MS4A1: variants seen among roughly 807,000 people sequenced by gnomAD.
MS4A1 encodes B-lymphocyte antigen CD20.
MS4A1 carries 16 observed loss-of-function variants against 26.5 expected under a neutral mutation model. The observed-to-expected ratio is 0.60, with a 90% CI of 0.41 to 0.92. The LOEUF (loss-of-function observed/expected upper bound fraction) is 0.92, where lower values mean the gene tolerates loss of function less well. MS4A1 is among the 40% of genes least tolerant of loss of function. MS4A1 has a pLI of 0.00. For synonymous variants in MS4A1, 128 were observed against 117.6 expected, an observed-to-expected ratio of 1.09 and a Z score of -0.57; for missense variants, 350 against 353.0, an observed-to-expected ratio of 0.99 and a Z score of 0.07.
rs545364071 is a variant in MS4A1, at chr11:60,466,511, C to A, written c.573+354C>A. The A allele has an allele frequency of 1.2e-4, 41 of 338,270 alleles. 1 individual carries two copies. In the South Asian group the frequency reaches 1.4e-3, roughly 11 times the overall value. The allele number at this position is 338,270 out of a possible 1,614,324, so 21.0% of individuals were successfully genotyped here. ...TTACCATTATATTAACTAAGATGAG[C>A]ATAGAAGAAATTCCTAAGATGTTAT... On this transcript the variant is annotated intron_variant, in intron 6 of 7. Coordinates refer to ENST00000345732, the MANE Select transcript of MS4A1 (RefSeq NM_152866.3).
Position 60,468,283 on chromosome 11 carries a change from G to C in MS4A1, c.709G>C (p.Glu237Gln). 6.2e-7 allele frequency: 1 copy of C among 1,613,552 alleles called. No individual in the cohort carries two copies. ...IVLLSAEEKK[E>Q]QTIEIKEEVV... ...TCTCCTGTCAGCAGAAGAAAAAAAA[G>C]AACAGACTATTGAAATAAAAGAAGA... Residue 237 changes from glutamate (E) to glutamine (Q), a missense_variant, in exon 8 of 8, where the codon GAA becomes CAA. Transcript: ENST00000345732.
chr11:60,465,673 A>G, intron 5 of MS4A1: 1 of 495,080 alleles, frequency 2.0e-6, no homozygotes, highest in South Asian at 2.4e-5. Context: ...ATCAAGGGTT[A>G]CTCTTAGAAT....
In MS4A1 at chr11:60,468,745, G is replaced by A. The variant is rs950305878; in HGVS notation, c.*277G>A. 2.0e-5 allele frequency: 9 copies of A among 443,796 alleles called. No homozygotes were observed. The highest frequency in any genetic ancestry group is 1.8e-4 in the African/African-American group (9 of 50,720). 27.5% of individuals were successfully genotyped at this position (443,796 alleles called of 1,614,324 possible). A position where few individuals can be genotyped will look rare whatever the true frequency, so the allele number is the denominator to read the frequency against. On this transcript the variant is annotated 3_prime_UTR_variant, in exon 8 of 8. Transcript: ENST00000345732. ...TCAGAATGTGATTTCCTACTAACCT[G>A]TTCCTTGGATAGGCTTTTTAGTATA...
chr11:60,463,119 A>C lies in MS4A1; in HGVS notation c.277A>C (p.Met93Leu), dbSNP rs776326601. 19 of 1,614,166 alleles carry C rather than the reference A, an allele frequency of 1.2e-5. No homozygotes were observed. The East Asian group carries it at 4.2e-4, about 36-fold the overall frequency. ...GTGGTACCCTCTCTGGGGAGGCATT[A>C]TGGTGAGTAAAAGAATAGCAGCCAT... ...TVWYPLWGGI[M>L]YIISGSLLAA... The change falls in exon 4 of 8, where the codon ATG becomes CTG. Residue 93 changes from methionine to leucine, a missense_variant and splice_region_variant. Coordinates refer to ENST00000345732, the MANE Select transcript of MS4A1 (RefSeq NM_152866.3).
At chr11:60,460,969 A>T (rs1156320881) in intron 1 of MS4A1, 103 bp from the exon 2 acceptor site, 1 of 151,888 alleles carries the variant, frequency 6.6e-6, no homozygotes, top group African/African-American at 2.4e-5. Context: ...AAGAACAAGA[A>T]TAGCAACAAA....
intron 7 of MS4A1, among the ~76,000 whole-genome samples, chr11:60,467,334 A>G (rs1490850137): frequency 6.7e-6 from 1 of 150,146 alleles, no homozygotes; most frequent in East Asian, 2.0e-4. Context: ...CTAGAGTGCA[A>G]TGGCGCGATC....
At chr11:60,463,744 G>A (rs749739918) in intron 4 of MS4A1, 16 of 451,466 alleles carry the variant, frequency 3.5e-5, no homozygotes, top group Non-Finnish European at 6.3e-5. Flanking sequence ...TAGAACAAGA[G>A]TTTCCTCCAT....
chr11:60,456,861 C>T (rs893775731), intron 1 of MS4A1, among the ~76,000 whole-genome samples: 1 of 152,122 alleles, frequency 6.6e-6, no homozygotes, highest in African/African-American at 2.4e-5. Context: ...GAGCTCCCGA[C>T]CTCAGGGGAT....
chr11:60,461,242 G>A (rs555953864), intron 2 of MS4A1, 82 bp downstream of exon 2: 1 of 151,848 alleles, frequency 6.6e-6, no homozygotes, highest in African/African-American at 2.4e-5. Context: ...ACATGTTATA[G>A]ATTGAGGGTT....
rs760536969 is a variant in MS4A1, at chr11:60,466,113, T to G, written c.529T>G (p.Ser177Ala). Residue 177 changes from serine (S) to alanine (A), a missense_variant, in exon 6 of 8, where the codon TCC becomes GCC. Ser to Ala is a moderately conservative substitution (Grantham distance 99). Transcript: ENST00000345732. ...CEPANPSEKN[S>A]PSTQYCYSIQ... ...ACCAGCTAATCCCTCTGAGAAAAAC[T>G]CCCCATCTACCCAATACTGTTACAG... The G allele has an allele frequency of 6.2e-7, 1 of 1,613,580 alleles. No homozygotes were observed. Among genetic ancestry groups the G allele is most frequent in the Non-Finnish European group, 8.5e-7 (1 of 1,179,550 alleles).
rs1262548806 is a variant in MS4A1, at chr11:60,466,043, T to G, written c.459T>G (p.Asn153Lys). The change falls in exon 6 of 8, where the codon AAT (asparagine) becomes AAG (lysine). Residue 153 changes from asparagine (N) to lysine (K), a missense_variant. Coordinates refer to ENST00000345732, the MANE Select transcript of MS4A1 (RefSeq NM_152866.3). ...ATTTTTTAAAAATGGAGAGTCTGAA[T>G]TTTATTAGAGCTCACACACCATATA... Reference protein sequence around the residue: ...ISHFLKMESLNFIRAHTPYIN... With the variant: ...ISHFLKMESLKFIRAHTPYIN... 1.2e-6 allele frequency: 2 copies of G among 1,613,888 alleles called. No individual in the cohort carries two copies. The highest frequency in any genetic ancestry group is 2.7e-5 in the African/African-American group (2 of 74,924).
rs990341701 is a variant in MS4A1 at position 60,468,723 on chromosome 11, G to A, written c.*255G>A. 5.8e-6 allele frequency: 3 copies of A among 513,086 alleles called. No homozygotes were observed. The Admixed American group carries it at 1.0e-4, about 18-fold the overall frequency. 31.8% of individuals were successfully genotyped at this position (513,086 alleles called of 1,614,324 possible). A position where few individuals can be genotyped will look rare whatever the true frequency, so the allele number is the denominator to read the frequency against. On this transcript the variant is annotated 3_prime_UTR_variant, in exon 8 of 8. Coordinates refer to ENST00000345732, the MANE Select transcript of MS4A1 (RefSeq NM_152866.3). ...GAAGAAAGGCAGAATGAGTGCTTCAGAATGTGATTTCCTACTAACCTGTTC... is the reference window on the plus strand; with the variant it reads ...GAAGAAAGGCAGAATGAGTGCTTCAAAATGTGATTTCCTACTAACCTGTTC...
chr11:60,463,806 C>T (rs1454691867), intron 4 of MS4A1: 1 of 455,662 alleles, frequency 2.2e-6, no homozygotes, highest in Non-Finnish European at 4.4e-6. Context: ...ATCATCACTT[C>T]CTGTAACAGC....
At chr11:60,461,796 A>G (rs999067906) in intron 2 of MS4A1, among the ~76,000 whole-genome samples, 17 of 151,196 alleles carry the variant, frequency 1.1e-4, no homozygotes, top group African/African-American at 3.9e-4. Flanking sequence ...CTTGGATTAC[A>G]GGCATGAGCC....
At chr11:60,459,241 C>T (rs1409916035) in intron 1 of MS4A1, among the ~76,000 whole-genome samples, 4 of 152,182 alleles carry the variant, frequency 2.6e-5, no homozygotes, top group Admixed American at 1.3e-4. Flanking sequence ...CCAGCTCATT[C>T]CATACTTGCC....
At chr11:60,467,206 G>C in intron 7 of MS4A1, 146 bp downstream of exon 7, 1 of 656,230 alleles carries the variant, frequency 1.5e-6, no homozygotes, top group Non-Finnish European at 2.8e-6. Flanking sequence ...TTTCTAGAAA[G>C]CAAATAATAT....
In MS4A1 at chr11:60,469,427, G is replaced by A. The variant is rs1054512681; in HGVS notation, c.*959G>A. Reference sequence around the variant, plus strand: ...TATGAGAGCCTTGTTTCATAACCAGGTCTTCTTACTCAAATCCTGTGATGT... The same window carrying A: ...TATGAGAGCCTTGTTTCATAACCAGATCTTCTTACTCAAATCCTGTGATGT... On this transcript the variant is annotated 3_prime_UTR_variant, in exon 8 of 8. Transcript: ENST00000345732. The A allele has an allele frequency of 6.6e-6, 1 of 152,072 alleles. No individual in the cohort carries two copies. The highest frequency in any genetic ancestry group is 1.5e-5 in the Non-Finnish European group (1 of 67,968). 9.4% of individuals were successfully genotyped at this position (152,072 alleles called of 1,614,324 possible).
intron 6 of MS4A1, 85 bp downstream of exon 6, chr11:60,466,242 C>A: frequency 9.1e-7 from 1 of 1,101,526 alleles, no homozygotes; most frequent in Non-Finnish European, 1.4e-6. Context: ...ACTCTGGATC[C>A]AGACCACCTG....
Position 60,468,508 on chromosome 11 carries a change from G to T in MS4A1, c.*40G>T, listed in dbSNP as rs201836816. On this transcript the variant is annotated 3_prime_UTR_variant, in exon 8 of 8. Coordinates refer to ENST00000345732, the MANE Select transcript of MS4A1 (RefSeq NM_152866.3). ...TTTCTGTTTCCTTTTTTAAACATTA[G>T]TGTTCATAGCTTCCAAGAGACATGC... 1.9e-6 allele frequency: 3 copies of T among 1,576,964 alleles called. No homozygotes were observed. The highest frequency in any genetic ancestry group is 2.6e-6 in the Non-Finnish European group (3 of 1,148,422).
Sources: gnomAD v4.1 joint callset for allele counts (sites outside exome capture counted in the v4.1 genomes callset) on GRCh38, gnomAD v4.1.1 for gene constraint, MANE v1.5 for transcripts, NCBI Gene and HGNC (gene_info 2026-07-23, HGNC 2026-07-21) for gene names.